The following PCDHA10 variants were observed in gnomAD, a reference collection of about 807,000 sequenced individuals.
PCDHA10 encodes protocadherin alpha-10.
Under a neutral mutation model 61.2 loss-of-function variants are expected in PCDHA10, and 45 were observed. The observed-to-expected ratio is 0.74, with a 90% CI of 0.58 to 0.94. PCDHA10 has a LOEUF of 0.94. PCDHA10 is among the 40% of genes least tolerant of loss of function. The pLI is 0.00. For synonymous variants in PCDHA10, 602 were observed against 548.8 expected (o/e 1.10, Z -1.35); for missense variants, 1,278 against 1,236.2 (o/e 1.03, Z -0.51).
In PCDHA10 at chr5:140,995,948, C is replaced by T. The variant is rs143431693; in HGVS notation, c.2536+13385C>T. Among the ~76,000 whole-genome samples the T allele has an allele frequency of 4.7e-3, 711 of 152,264 alleles. 7 individuals carry two copies. The highest frequency in any genetic ancestry group is 0.016 in the African/African-American group (645 of 41,554). ...TGTAAGTATTAAATGACATAATGCA[C>T]GCAAAATGCTTAGAACCATGCTTAG... On this transcript the variant is annotated intron_variant, in intron 3 of 3. Transcript: ENST00000307360.
At chr5:140,873,085 C>G (rs1554166557) in intron 1 of PCDHA10, among the ~76,000 whole-genome samples, 2 of 152,098 alleles carry the variant, frequency 1.3e-5, no homozygotes, top group Non-Finnish European at 2.9e-5. Flanking sequence ...TATTTCCCCC[C>G]CGTATAGAGG....
rs183412283 is a variant in PCDHA10 at position 140,968,329 on chromosome 5, T to C, written c.2389-10620T>C. On this transcript the variant is annotated intron_variant, in intron 1 of 3. Transcript: ENST00000307360. ...TTCAAGGGCTGCCAGTCACCTCCTA[T>C]GTCTCCATTAACAGTGCCAGTGGCA... is the stretch of plus-strand genomic sequence containing the variant. 7.7e-5 allele frequency: 125 copies of C among 1,614,150 alleles called. 1 individual carries two copies. In the East Asian group the frequency reaches 2.7e-3, roughly 34 times the overall value.
intron 1 of PCDHA10, among the ~76,000 whole-genome samples, chr5:140,975,611 A>C (rs191363875): frequency 7.0e-4 from 106 of 152,356 alleles, no homozygotes; most frequent in African/African-American, 2.4e-3. Flanking sequence ...GATGTCTTCC[A>C]CATGGATTTC....
chr5:140,989,696 T>G (rs1554251011), intron 3 of PCDHA10, among the ~76,000 whole-genome samples: 1 of 152,216 alleles, frequency 6.6e-6, no homozygotes, highest in African/African-American at 2.4e-5. Flanking sequence ...CGTGAAAATT[T>G]TATCTTCAGA....
rs1430137096 is a variant in PCDHA10, at chr5:140,871,495, G to A, written c.2388+13059G>A. On this transcript the variant is annotated intron_variant, in intron 1 of 3. Transcript: ENST00000307360. ...GCCAGGGTCAAATCACCCCGGACAG[G>A]TGAGTTTTCTACAGATTCCACCTAT... 5 of 1,588,092 alleles carry A rather than the reference G, an allele frequency of 3.1e-6. No homozygotes were observed. The African/African-American group carries it at 6.7e-5, about 21-fold the overall frequency.
chr5:140,870,746 TGACG>T, intron 1 of PCDHA10: 1 of 1,613,488 alleles, frequency 6.2e-7, no homozygotes, highest in Non-Finnish European at 8.5e-7. Context: ...AGCAGCAACG[TGACG>T]CTGCAGGTGT....
intron 1 of PCDHA10, among the ~76,000 whole-genome samples, chr5:140,879,372 G>T (rs1434937494): frequency 1.3e-5 from 2 of 152,172 alleles, no homozygotes; most frequent in African/African-American, 4.8e-5. Context: ...CCAACCTGCA[G>T]AACAAGGTTG....
intron 1 of PCDHA10, among the ~76,000 whole-genome samples, chr5:140,926,076 T>C (rs2082906284): frequency 1.3e-5 from 2 of 152,204 alleles, no homozygotes; most frequent in Admixed American, 1.3e-4. Context: ...TCGTCTCTAT[T>C]GCCCTCTTGG....
At chr5:140,964,062 C>T (rs1257577051) in intron 1 of PCDHA10, among the ~76,000 whole-genome samples, 1 of 152,124 alleles carries the variant, frequency 6.6e-6, no homozygotes, top group Middle Eastern at 3.2e-3. Flanking sequence ...GTGGTCAAGG[C>T]ATTAGTGTTA....
At chr5:140,985,065 G>A (rs189493508) in intron 3 of PCDHA10, among the ~76,000 whole-genome samples, 45 of 152,190 alleles carry the variant, frequency 3.0e-4, no homozygotes, top group Admixed American at 5.2e-4. Context: ...AGCCTCCTGA[G>A]TAGCTGAGAC....
chr5:140,948,108 G>A (rs902891466), intron 1 of PCDHA10, among the ~76,000 whole-genome samples: 2 of 151,096 alleles, frequency 1.3e-5, no homozygotes, highest in Non-Finnish European at 3.0e-5. Context: ...ATTTTTCTTC[G>A]TTTTACTAAT....
At position 140,857,412 on chromosome 5, in the gene PCDHA10, C is replaced by G. The variant is rs782751627; in HGVS notation, c.1364C>G (p.Ala455Gly). The change falls in exon 1 of 4, where the codon GCG (alanine) becomes GGG (glycine). Residue 455 changes from alanine (A) to glycine (G), a missense_variant. Ala to Gly is a moderately conservative substitution (Grantham distance 60, BLOSUM62 0). Transcript: ENST00000307360. ...ADVNDNAPAF[A>G]QSEYTVFVKE... is the part of the protein sequence containing the mutation. ...GTGAACGACAACGCGCCTGCGTTCG[C>G]GCAGTCCGAGTACACGGTGTTCGTG... 1 of 1,598,338 alleles carries G rather than the reference C, an allele frequency of 6.3e-7. No homozygotes were observed. The highest frequency in any genetic ancestry group is 1.7e-5 in the Admixed American group (1 of 59,314).
intron 1 of PCDHA10, chr5:140,884,110 G>A: frequency 6.2e-7 from 1 of 1,613,438 alleles, no homozygotes; most frequent in Non-Finnish European, 8.5e-7. Flanking sequence ...TGCAGCTGGC[G>A]GCGGTCGGCG....
In PCDHA10 at chr5:140,856,497, G is replaced by T. The variant is rs782069130; in HGVS notation, c.449G>T (p.Arg150Leu). ...SIPESRLLDS[R>L]FPLEGASDAD... ...CCTGAATCCAGACTGCTTGACTCTCGATTTCCACTAGAAGGCGCATCTGAT... is the reference window on the plus strand; with the variant it reads ...CCTGAATCCAGACTGCTTGACTCTCTATTTCCACTAGAAGGCGCATCTGAT... The change falls in exon 1 of 4, where the codon CGA (arginine) becomes CTA (leucine). Residue 150 changes from arginine to leucine, a missense_variant. Coordinates refer to ENST00000307360, the MANE Select transcript of PCDHA10 (RefSeq NM_018901.4). 6.3e-7 allele frequency: 1 copy of T among 1,598,346 alleles called. No individual in the cohort carries two copies.
chr5:140,890,732 TTA>T (rs2062774217), intron 1 of PCDHA10, among the ~76,000 whole-genome samples: 1 of 152,238 alleles, frequency 6.6e-6, no homozygotes, highest in Admixed American at 6.5e-5. Context: ...CCCTTTTGAC[TTA>T]TATACTATTT....
At chr5:140,869,134 A>T (rs781973798) in intron 1 of PCDHA10, 3 of 1,612,182 alleles carry the variant, frequency 1.9e-6, no homozygotes, top group Non-Finnish European at 2.5e-6. Context: ...GGGATTGGGC[A>T]CCCCACGACT....
intron 1 of PCDHA10, among the ~76,000 whole-genome samples, chr5:140,912,746 A>G (rs1322674627): frequency 6.6e-6 from 1 of 152,200 alleles, no homozygotes; most frequent in Admixed American, 6.5e-5. Flanking sequence ...TGGGTCTGTC[A>G]TAGATGGCTT....
At chr5:140,905,202 T>C (rs1554191944) in intron 1 of PCDHA10, among the ~76,000 whole-genome samples, 1 of 152,196 alleles carries the variant, frequency 6.6e-6, no homozygotes, top group Non-Finnish European at 1.5e-5. Flanking sequence ...CCATCTTGAG[T>C]TGATTTTTGT....
intron 3 of PCDHA10, among the ~76,000 whole-genome samples, chr5:140,988,599 G>A (rs782117836): frequency 6.6e-6 from 1 of 152,154 alleles, no homozygotes; most frequent in Non-Finnish European, 1.5e-5. Flanking sequence ...TAATGGTCAT[G>A]TAAATAAAAG....
Sources: gnomAD v4.1 joint callset for allele counts (sites outside exome capture counted in the v4.1 genomes callset) on GRCh38, gnomAD v4.1.1 for gene constraint, MANE v1.5 for transcripts, NCBI Gene and HGNC (gene_info 2026-07-23, HGNC 2026-07-21) for gene names.